PELI2: variants seen among roughly 807,000 people sequenced by gnomAD.
PELI2 encodes the protein pellino E3 ubiquitin protein ligase family member 2, also known as E3 ubiquitin-protein ligase pellino homolog 2.
In PELI2, 23 loss-of-function variants were observed where a neutral mutation model predicts 42.3. The ratio of observed to expected loss-of-function variants is 0.54; its 90% CI spans 0.39 to 0.77. PELI2 has a LOEUF of 0.77. Ranked by LOEUF, PELI2 falls within the 30% of genes least tolerant of loss-of-function variation. The pLI, the probability that PELI2 is intolerant of heterozygous loss-of-function variation, is 0.00. For missense variants in PELI2, 463 were observed against 553.2 expected (o/e 0.84, Z 1.64); for synonymous variants, 245 against 212.2 (o/e 1.15, Z -1.34).
chr14:56,271,204 A>G (rs1027301754), intron 2 of PELI2, among the ~76,000 whole-genome samples: 2 of 152,170 alleles, frequency 1.3e-5, no homozygotes, highest in East Asian at 1.9e-4. Flanking sequence ...TTCAGCAGTT[A>G]TTTCCAGGCT....
intron 1 of PELI2, among the ~76,000 whole-genome samples, chr14:56,122,118 T>C (rs930934510): frequency 4.6e-5 from 7 of 152,172 alleles, no homozygotes; most frequent in Non-Finnish European, 8.8e-5. Flanking sequence ...GATCTCATGA[T>C]AAAAATTTAG....
In PELI2 at chr14:56,162,067, C is replaced by T. The variant is rs979472834; in HGVS notation, c.78-16268C>T. On this transcript the variant is annotated intron_variant, in intron 1 of 5. Coordinates refer to ENST00000267460, the MANE Select transcript of PELI2 (RefSeq NM_021255.3). ...GATACAGGCATGCAATGTGAAATAA[C>T]CACATTATGGAGAACAGGGTATCCA... Among the ~76,000 whole-genome samples, 10 of 152,038 alleles carry T rather than the reference C, an allele frequency of 6.6e-5. No homozygotes were observed. The East Asian group carries it at 1.2e-3, about 18-fold the overall frequency.
chr14:56,255,804 A>G (rs979365381), intron 2 of PELI2, among the ~76,000 whole-genome samples: 3 of 152,064 alleles, frequency 2.0e-5, no homozygotes, highest in South Asian at 4.1e-4. Context: ...TATTATGCAA[A>G]TGAATTATCC....
intron 1 of PELI2, among the ~76,000 whole-genome samples, chr14:56,173,060 C>T (rs1404190701): frequency 6.6e-6 from 1 of 152,106 alleles, no homozygotes; most frequent in Non-Finnish European, 1.5e-5. Flanking sequence ...TTTAACTGCC[C>T]CTGCATGGTG....
chr14:56,179,462 A>G (rs1885508070), intron 2 of PELI2, among the ~76,000 whole-genome samples: 1 of 152,198 alleles, frequency 6.6e-6, no homozygotes, highest in Non-Finnish European at 1.5e-5. Flanking sequence ...AGTGCCATTG[A>G]AAGAATTTGT....
At chr14:56,220,352 G>C (rs1424556066) in intron 2 of PELI2, among the ~76,000 whole-genome samples, 1 of 151,980 alleles carries the variant, frequency 6.6e-6, no homozygotes, top group Non-Finnish European at 1.5e-5. Flanking sequence ...GCTAGTACTT[G>C]GGGAAAAAAA....
intron 2 of PELI2, among the ~76,000 whole-genome samples, chr14:56,225,633 C>T (rs867571294): frequency 1.3e-5 from 2 of 152,306 alleles, no homozygotes; most frequent in Admixed American, 6.5e-5. Flanking sequence ...GCAGGGGCAG[C>T]GGTCACAACG....
At chr14:56,295,704 TTAAG>T (rs1160533067) in intron 5 of PELI2, among the ~76,000 whole-genome samples, 5 of 152,158 alleles carry the variant, frequency 3.3e-5, no homozygotes, top group African/African-American at 7.2e-5. Context: ...CACGAGGAGT[TTAAG>T]TAATCTGCAC....
chr14:56,185,605 G>A (rs1320088458), intron 2 of PELI2, among the ~76,000 whole-genome samples: 3 of 152,080 alleles, frequency 2.0e-5, no homozygotes, highest in Non-Finnish European at 2.9e-5. Context: ...TAAAATTTGA[G>A]GTATGATTTG....
intron 1 of PELI2, among the ~76,000 whole-genome samples, chr14:56,165,112 T>A (rs1012719897): frequency 2.6e-5 from 4 of 151,982 alleles, no homozygotes; most frequent in Non-Finnish European, 5.9e-5. Context: ...TTAAGATGCA[T>A]CATTAGATTG....
chr14:56,229,785 T>G (rs1458401613), intron 2 of PELI2, among the ~76,000 whole-genome samples: 1 of 152,016 alleles, frequency 6.6e-6, no homozygotes, highest in Non-Finnish European at 1.5e-5. Context: ...AGACGATCGG[T>G]AATAATAAAC....
At chr14:56,270,379 C>G (rs936582513) in intron 2 of PELI2, among the ~76,000 whole-genome samples, 2 of 152,086 alleles carry the variant, frequency 1.3e-5, no homozygotes, top group Non-Finnish European at 2.9e-5. Flanking sequence ...CTTTAGCCAC[C>G]TCCTCTCTTT....
chr14:56,253,855 A>G (rs1888435341), intron 2 of PELI2, among the ~76,000 whole-genome samples: 1 of 152,230 alleles, frequency 6.6e-6, no homozygotes, highest in South Asian at 2.1e-4. Context: ...TTTAAATTTC[A>G]TATGGAACAA....
intron 1 of PELI2, among the ~76,000 whole-genome samples, chr14:56,129,520 G>A (rs1883401849): frequency 6.6e-6 from 1 of 152,208 alleles, no homozygotes; most frequent in African/African-American, 2.4e-5. Context: ...AGACAACTGT[G>A]CCTCTGGAGC....
In PELI2 at chr14:56,162,194, A is replaced by G. The variant is rs111788937; in HGVS notation, c.78-16141A>G. 6.1e-3 allele frequency among the ~76,000 whole-genome samples: 935 copies of G among 152,274 alleles called. 5 individuals carry two copies. Among genetic ancestry groups the G allele is most frequent in the Non-Finnish European group, 0.011 (730 of 68,010 alleles). The stretch of plus-strand genomic sequence containing the variant: ...TTGACTGTAGCCACCTTATTGTGCT[A>G]TTAAATAGTAGGTCTTACTCATTTT... On this transcript the variant is annotated intron_variant, in intron 1 of 5. Coordinates refer to ENST00000267460, the MANE Select transcript of PELI2 (RefSeq NM_021255.3).
intron 2 of PELI2, among the ~76,000 whole-genome samples, chr14:56,212,476 T>A (rs3825618): frequency 6.6e-6 from 1 of 151,934 alleles, no homozygotes; most frequent in East Asian, 1.9e-4. Context: ...TCCCTGGGAT[T>A]GGGGGGAGAG....
chr14:56,121,731 C>T (rs1388253406), intron 1 of PELI2, among the ~76,000 whole-genome samples: 1 of 152,158 alleles, frequency 6.6e-6, no homozygotes, highest in Admixed American at 6.5e-5. Flanking sequence ...CTTAATTCCT[C>T]CTCCTCCTCT....
Position 56,118,809 on chromosome 14 carries a change from C to T in PELI2, c.77+72C>T, listed in dbSNP as rs1245512680. 11 of 1,054,058 alleles carry T rather than the reference C, an allele frequency of 1.0e-5. No individual in the cohort carries two copies. In the African/African-American group the frequency reaches 1.7e-4, roughly 16 times the overall value. 65.3% of individuals were successfully genotyped at this position (1,054,058 alleles called of 1,614,324 possible). A position where few individuals can be genotyped will look rare whatever the true frequency, so the allele number is the denominator to read the frequency against. The stretch of plus-strand genomic sequence containing the variant: ...CGCCCGCATCCTGGAGCGGGGCTGG[C>T]GGGGTGGCTCGGTGCTCTTTGGGGA... On this transcript the variant is annotated intron_variant, in intron 1 of 5. Transcript: ENST00000267460.
chr14:56,244,737 A>G (rs1888091794), intron 2 of PELI2, among the ~76,000 whole-genome samples: 1 of 152,160 alleles, frequency 6.6e-6, no homozygotes, highest in African/African-American at 2.4e-5. Context: ...GAGTTGTGCT[A>G]GCTGTTGAGG....
Sources: allele counts gnomAD v4.1 joint callset (sites outside exome capture counted in the v4.1 genomes callset), GRCh38; gene constraint gnomAD v4.1.1; transcripts MANE v1.5; gene names NCBI Gene and HGNC (gene_info 2026-07-23, HGNC 2026-07-21).